The following UBR1 variants were observed in gnomAD, a reference collection of about 807,000 sequenced individuals.
The protein encoded by UBR1 is E3 ubiquitin-protein ligase UBR1.
In UBR1, 102 loss-of-function variants were observed where a neutral mutation model predicts 242.1. That is an observed-to-expected ratio of 0.42 (90% CI 0.36 to 0.50). The LOEUF (loss-of-function observed/expected upper bound fraction) is 0.50. Among genes scored for constraint, UBR1 ranks in the 20% least tolerant of loss-of-function variants. UBR1 has a pLI of 0.01. For synonymous variants in UBR1, 675 were observed against 684.8 expected (o/e 0.99, Z 0.22); for missense variants, 1,772 against 2,101.8 (o/e 0.84, Z 3.07).
intron 10 of UBR1, 46 bp from the exon 11 acceptor site, chr15:43,056,488 C>T: frequency 7.3e-7 from 1 of 1,362,812 alleles, no homozygotes; most frequent in Non-Finnish European, 1.0e-6. Context: ...CTACTAAAGA[C>T]CTTTAAAAAA....
At chr15:43,027,903 T>A (rs2033197971) in intron 21 of UBR1, 75 bp from the exon 22 acceptor site, 2 of 1,127,536 alleles carry the variant, frequency 1.8e-6, no homozygotes, top group Non-Finnish European at 2.7e-6. Context: ...AAATACATTT[T>A]CTACTGCATC....
Position 43,076,169 on chromosome 15 carries a change from AC to A in UBR1, c.418-1081del, listed in dbSNP as rs1192618090. ...TTCGTTTTTTTTTTTTTTGGTGGAG[AC>A]GGGGTTTTGCTGTGTTGGCCGGGCC... On this transcript the variant is annotated intron_variant, in intron 3 of 46. Coordinates refer to ENST00000290650, the MANE Select transcript of UBR1 (RefSeq NM_174916.3). Among the ~76,000 whole-genome samples, 6 of 140,536 alleles carry A rather than the reference AC, an allele frequency of 4.3e-5. No homozygotes were observed. In the East Asian group the frequency reaches 1.3e-3, roughly 30 times the overall value. The allele number at this position is 140,536 out of a possible 152,430, so 92.2% of individuals were successfully genotyped here. A position where few individuals can be genotyped will look rare whatever the true frequency, so the allele number is the denominator to read the frequency against.
At chr15:42,963,761 T>G (rs1456470435) in intron 42 of UBR1, among the ~76,000 whole-genome samples, 174 bp downstream of exon 42, 1 of 148,824 alleles carries the variant, frequency 6.7e-6, no homozygotes, top group African/African-American at 2.5e-5. Flanking sequence ...AAATTCCAAC[T>G]GCCTATGGCT....
At chr15:42,995,524 TG>T (rs962854279) in intron 33 of UBR1, among the ~76,000 whole-genome samples, 2 of 150,748 alleles carry the variant, frequency 1.3e-5, no homozygotes, top group African/African-American at 4.9e-5. Flanking sequence ...AAAAATTAGC[TG>T]GGCGCGGTGG....
At chr15:43,044,377 G>A (rs141964138) in intron 14 of UBR1, among the ~76,000 whole-genome samples, 43 of 152,040 alleles carry the variant, frequency 2.8e-4, no homozygotes, top group African/African-American at 9.9e-4. Context: ...GGGCCATCAG[G>A]ACAAAAAAGA....
At chr15:43,047,678 G>A (rs779245381) in intron 13 of UBR1, among the ~76,000 whole-genome samples, 1 of 152,204 alleles carries the variant, frequency 6.6e-6, no homozygotes, top group Non-Finnish European at 1.5e-5. Flanking sequence ...GAGATGTCAA[G>A]ATGAAAACAA....
intron 36 of UBR1, 146 bp downstream of exon 36, chr15:42,984,741 G>C: frequency 1.4e-6 from 1 of 722,830 alleles, no homozygotes; most frequent in Non-Finnish European, 2.4e-6. Context: ...TTTCCTATAA[G>C]ACTGATGCAG....
Position 43,096,267 on chromosome 15 carries a change from G to A in UBR1, c.81+9675C>T, listed in dbSNP as rs529738272. On this transcript the variant is annotated intron_variant, in intron 1 of 46. Coordinates refer to ENST00000290650, the MANE Select transcript of UBR1 (RefSeq NM_174916.3). Reference sequence around the variant, plus strand: ...GGGCTCACTGCAATCTCCGCCTGCCGGATTGAAGCAATTCTCCTGCCTCAG... The same window carrying A: ...GGGCTCACTGCAATCTCCGCCTGCCAGATTGAAGCAATTCTCCTGCCTCAG... Among the ~76,000 whole-genome samples the A allele has an allele frequency of 4.6e-5, 7 of 151,792 alleles. No homozygotes were observed. The South Asian group carries it at 6.2e-4, about 14-fold the overall frequency.
rs1443053259 is a variant in UBR1, at chr15:43,043,205, A to G, written c.1849+10T>C. The G allele has an allele frequency of 6.2e-7, 1 of 1,613,960 alleles. No homozygotes were observed. Among genetic ancestry groups the G allele is most frequent in the Non-Finnish European group, 8.5e-7 (1 of 1,179,978 alleles). ...ATAGGTATATGCAAAAAGAAAAAAC[A>G]AACACTCACCAGCAAGGGTCCTAGA... is the stretch of plus-strand genomic sequence containing the variant. On this transcript the variant is annotated intron_variant, in intron 15 of 46. Transcript: ENST00000290650.
At chr15:43,077,677 T>A (rs867666090) in intron 3 of UBR1, among the ~76,000 whole-genome samples, 1,625 of 130,754 alleles carry the variant, frequency 0.012, 19 homozygotes, top group African/African-American at 0.04. Context: ...AAAAAAAAAA[T>A]AAAAATAAAA....
intron 4 of UBR1, 131 bp from the exon 5 acceptor site, chr15:43,071,056 G>C (rs1232274293): frequency 4.0e-6 from 5 of 1,256,980 alleles, no homozygotes; most frequent in Non-Finnish European, 5.6e-6. Context: ...AATTCAAGTT[G>C]AGCTCAAGAG....
At chr15:43,074,828 C>T in intron 4 of UBR1, 151 bp downstream of exon 4, 1 of 657,410 alleles carries the variant, frequency 1.5e-6, no homozygotes, top group South Asian at 1.8e-5. Context: ...TCCTTAGTTT[C>T]TTTGGAGCTA....
intron 37 of UBR1, among the ~76,000 whole-genome samples, chr15:42,983,595 G>A (rs1270890207): frequency 1.3e-5 from 2 of 151,298 alleles, no homozygotes; most frequent in Non-Finnish European, 2.9e-5. Context: ...AACACGTGAG[G>A]TGGAAGTTGC....
chr15:43,041,502 T>C (rs1699081135), intron 15 of UBR1, among the ~76,000 whole-genome samples: 1 of 151,988 alleles, frequency 6.6e-6, no homozygotes, highest in Non-Finnish European at 1.5e-5. Context: ...AATGACGAGT[T>C]AATGGGTGCA....
intron 3 of UBR1, among the ~76,000 whole-genome samples, chr15:43,077,009 C>T (rs1306536432): frequency 1.3e-5 from 1 of 78,700 alleles, no homozygotes; most frequent in Non-Finnish European, 2.8e-5. Flanking sequence ...TGGCCAGCCG[C>T]CCCGTCGGGG....
In UBR1 at chr15:42,976,728, G is replaced by C; in HGVS notation, c.4358C>G (p.Thr1453Arg). Reference sequence around the variant, plus strand: ...GATGAAAACCTTACCTGTGTCTACTGTAAGTAGTATCTGAAGCATGTGTGC... The same window carrying C: ...GATGAAAACCTTACCTGTGTCTACTCTAAGTAGTATCTGAAGCATGTGTGC... ...TMAHMLQILL[T>R]VDTGLPLAQV... The change falls in exon 39 of 47, where the codon ACA becomes AGA. Residue 1453 changes from threonine to arginine, a missense_variant. Thr to Arg is a moderately conservative substitution (Grantham distance 71). This residue lies in a region of UBR1 where 965 missense variants were observed against 1,079.7 expected (regional missense o/e 0.89). Transcript: ENST00000290650. 1.9e-6 allele frequency: 3 copies of C among 1,614,060 alleles called. No individual in the cohort carries two copies. The highest frequency in any genetic ancestry group is 1.1e-5 in the South Asian group (1 of 91,084).
chr15:43,047,215 T>A lies in UBR1; in HGVS notation c.1614A>T (p.Ile538=). 3 of 1,614,218 alleles carry A rather than the reference T, an allele frequency of 1.9e-6. No homozygotes were observed. ...VDPDWEAAIA[I]QMQLKNILLM... is the part of the protein sequence containing the mutation. Reference sequence around the variant, plus strand: ...GTAAAATATTCTTCAATTGCATCTGTATAGCAATGGCAGCCTCCCAATCAG... The same window carrying A: ...GTAAAATATTCTTCAATTGCATCTGAATAGCAATGGCAGCCTCCCAATCAG... The change falls in exon 14 of 47, where the codon ATA becomes ATT. Residue 538 remains isoleucine, a synonymous_variant. Coordinates refer to ENST00000290650, the MANE Select transcript of UBR1 (RefSeq NM_174916.3).
chr15:42,986,109 C>T (rs2032455529), intron 35 of UBR1, among the ~76,000 whole-genome samples: 1 of 151,582 alleles, frequency 6.6e-6, no homozygotes, highest in East Asian at 1.9e-4. Context: ...TTCACTGATC[C>T]TTAGCAGCAG....
chr15:43,101,223 A>G (rs1210280459), intron 1 of UBR1, among the ~76,000 whole-genome samples: 1 of 152,142 alleles, frequency 6.6e-6, no homozygotes, highest in East Asian at 1.9e-4. Flanking sequence ...TAATGAGTTT[A>G]TAAGTATAAG....
Sources: allele counts gnomAD v4.1 joint callset (sites outside exome capture counted in the v4.1 genomes callset), GRCh38; gene constraint gnomAD v4.1.1; regional missense constraint gnomAD v4.1.1; transcripts MANE v1.5; gene names NCBI Gene and HGNC (gene_info 2026-07-23, HGNC 2026-07-21).